SYT1: variants seen among roughly 807,000 people sequenced by gnomAD.
SYT1 encodes synaptotagmin-1.
In SYT1, 8 loss-of-function variants were observed where a neutral mutation model predicts 44.8. The ratio of observed to expected loss-of-function variants is 0.18; its 90% CI spans 0.10 to 0.32. The LOEUF (loss-of-function observed/expected upper bound fraction) is 0.32. Ranked by LOEUF, SYT1 falls within the 10% of genes least tolerant of loss-of-function variation. The probability of loss-of-function intolerance (pLI) is 1.00; values close to 1 mark genes in which losing one functional copy is unlikely to be tolerated. For synonymous variants in SYT1, 154 were observed against 188.8 expected, an observed-to-expected ratio of 0.82 and a Z score of 1.51; for missense variants, 286 against 509.3, an observed-to-expected ratio of 0.56 and a Z score of 4.22.
At chr12:78,982,227 T>C (rs1869315897) in intron 2 of SYT1, among the ~76,000 whole-genome samples, 1 of 152,106 alleles carries the variant, frequency 6.6e-6, no homozygotes, top group African/African-American at 2.4e-5. Flanking sequence ...GGCTAATCTA[T>C]GGTATAAGAA....
At chr12:79,302,801 C>T (rs1352696147) in intron 8 of SYT1, among the ~76,000 whole-genome samples, 2 of 152,176 alleles carry the variant, frequency 1.3e-5, no homozygotes, top group African/African-American at 4.8e-5. Context: ...CACTTCCCCA[C>T]CTTCTAATAG....
chr12:79,094,682 T>C (rs1459837366), intron 3 of SYT1, among the ~76,000 whole-genome samples: 1 of 151,902 alleles, frequency 6.6e-6, no homozygotes, highest in Non-Finnish European at 1.5e-5. Flanking sequence ...TTTCATTTGT[T>C]TTAAATTTTT....
intron 3 of SYT1, among the ~76,000 whole-genome samples, chr12:79,104,731 A>G (rs568505822): frequency 6.6e-6 from 1 of 152,024 alleles, no homozygotes; most frequent in Non-Finnish European, 1.5e-5. Flanking sequence ...GATAAATTCT[A>G]TTACAATAAT....
chr12:79,447,716 G>T, intron 10 of SYT1, among the ~76,000 whole-genome samples: 1 of 152,074 alleles, frequency 6.6e-6, no homozygotes, highest in Non-Finnish European at 1.5e-5. Flanking sequence ...TTTCACAATG[G>T]AATCACTCCA....
At chr12:79,400,314 G>A (rs1885024695) in intron 9 of SYT1, among the ~76,000 whole-genome samples, 1 of 152,182 alleles carries the variant, frequency 6.6e-6, no homozygotes, top group Non-Finnish European at 1.5e-5. Context: ...GGCTATTGTG[G>A]ATGGAAAAAT....
rs533461398 is a variant in SYT1 at position 78,987,902 on chromosome 12, T to C, written c.-84+9971T>C. On this transcript the variant is annotated intron_variant, in intron 2 of 10. Coordinates refer to ENST00000261205, the MANE Select transcript of SYT1 (RefSeq NM_005639.3). ...AAGAAAAGAATACTATAGACCAGTA[T>C]CTCTCATGAATATAGAGGCAAAACT... Among the ~76,000 whole-genome samples, 46 of 152,122 alleles carry C rather than the reference T, an allele frequency of 3.0e-4. No homozygotes were observed. In the South Asian group the frequency reaches 8.9e-3, roughly 29 times the overall value.
chr12:79,428,923 G>A (rs1314279591), intron 9 of SYT1, among the ~76,000 whole-genome samples: 1 of 152,138 alleles, frequency 6.6e-6, no homozygotes, highest in Non-Finnish European at 1.5e-5. Flanking sequence ...AATTGTAGTA[G>A]AAGAAAGGGA....
intron 2 of SYT1, among the ~76,000 whole-genome samples, chr12:78,999,685 C>T (rs1211156390): frequency 2.0e-5 from 3 of 152,106 alleles, no homozygotes; most frequent in Non-Finnish European, 4.4e-5. Flanking sequence ...TTCAGTGTAG[C>T]ACTTTGGCCC....
At chr12:78,902,706 TAA>T (rs1875731480) in intron 1 of SYT1, among the ~76,000 whole-genome samples, 1 of 152,122 alleles carries the variant, frequency 6.6e-6, no homozygotes, top group Non-Finnish European at 1.5e-5. Context: ...ATAAGAAATT[TAA>T]GTTTATTTTT....
intron 4 of SYT1, among the ~76,000 whole-genome samples, chr12:79,250,263 TG>T (rs1273992982): frequency 6.6e-6 from 1 of 152,158 alleles, no homozygotes; most frequent in African/African-American, 2.4e-5. Context: ...CATGGCTTGG[TG>T]TGTCTGACTT....
At chr12:79,308,540 GAAAGAAAGAAA>G (rs761844070) in intron 8 of SYT1, among the ~76,000 whole-genome samples, 4 of 122,448 alleles carry the variant, frequency 3.3e-5, no homozygotes, top group Non-Finnish European at 7.1e-5. Context: ...AATAAAGAAA[GAAAGAAAGAAA>G]AAAGAAAGAA....
intron 1 of SYT1, among the ~76,000 whole-genome samples, chr12:78,905,629 A>G (rs1875935090): frequency 6.6e-6 from 1 of 152,058 alleles, no homozygotes; most frequent in Non-Finnish European, 1.5e-5. Flanking sequence ...CATCTACAAT[A>G]TATTGGATTT....
At chr12:78,895,472 T>C (rs1037169120) in intron 1 of SYT1, among the ~76,000 whole-genome samples, 7 of 151,770 alleles carry the variant, frequency 4.6e-5, no homozygotes, top group African/African-American at 1.7e-4. Context: ...AAAAATGGCA[T>C]CTTCATATGA....
chr12:79,433,383 G>A (rs1869909571), intron 9 of SYT1, among the ~76,000 whole-genome samples: 1 of 152,076 alleles, frequency 6.6e-6, no homozygotes, highest in African/African-American at 2.4e-5. Context: ...ATAAGAAGTA[G>A]CATTAATTTG....
chr12:78,968,732 C>G (rs1007446501), intron 1 of SYT1, among the ~76,000 whole-genome samples: 1 of 152,114 alleles, frequency 6.6e-6, no homozygotes, highest in Non-Finnish European at 1.5e-5. Context: ...TTAACCCAGA[C>G]TTTAGAGGGA....
rs74107387 is a variant in SYT1, at chr12:79,248,720, T to C, written c.166+31035T>C. On this transcript the variant is annotated intron_variant, in intron 4 of 10. Transcript: ENST00000261205. ...AGGCAAGAAAGGCTTGCTTCTGGAA[T>C]ATATCAGATTTCAGATCTTGCTGAC... Among the ~76,000 whole-genome samples the C allele has an allele frequency of 3.8e-3, 573 of 152,288 alleles. 8 individuals are homozygous for C. Among genetic ancestry groups the C allele is most frequent in the African/African-American group, 0.013 (557 of 41,546 alleles).
intron 1 of SYT1, among the ~76,000 whole-genome samples, chr12:78,916,516 T>C (rs1479410833): frequency 6.6e-6 from 1 of 152,042 alleles, no homozygotes; most frequent in Non-Finnish European, 1.5e-5. Flanking sequence ...TCCTACTTTT[T>C]TGTAGTCTTG....
chr12:79,358,865 G>A (rs1592998120), intron 9 of SYT1, among the ~76,000 whole-genome samples: 1 of 152,152 alleles, frequency 6.6e-6, no homozygotes, highest in East Asian at 1.9e-4. Context: ...TGGGGAAAAT[G>A]TTCGTAACTG....
At position 79,175,076 on chromosome 12, in the gene SYT1, G is replaced by C. The variant is rs1339472199; in HGVS notation, c.-17-42427G>C. Among the ~76,000 whole-genome samples the C allele has an allele frequency of 3.9e-5, 6 of 152,044 alleles. No homozygotes were observed. In the South Asian group the frequency reaches 1.2e-3, roughly 32 times the overall value. ...TGCTATGTACTTCTAAGCTAATGGA[G>C]TTATATCCAGCTTGTTTTCTATATG... On this transcript the variant is annotated intron_variant, in intron 3 of 10. Coordinates refer to ENST00000261205, the MANE Select transcript of SYT1 (RefSeq NM_005639.3).
Sources: allele counts gnomAD v4.1 joint callset (sites outside exome capture counted in the v4.1 genomes callset), GRCh38; gene constraint gnomAD v4.1.1; transcripts MANE v1.5; gene names NCBI Gene and HGNC (gene_info 2026-07-23, HGNC 2026-07-21).